The following KMT2D variants were observed in gnomAD, a reference collection of about 807,000 sequenced individuals.
KMT2D encodes lysine methyltransferase 2D, also known as histone-lysine N-methyltransferase 2D.
In KMT2D, 55 loss-of-function variants were observed where a neutral mutation model predicts 512.7. The observed-to-expected ratio is 0.11, with a 90% confidence interval of 0.09 to 0.13. KMT2D has a LOEUF of 0.13. KMT2D is among the 10% of genes least tolerant of loss of function. KMT2D has a pLI of 1.00. For synonymous variants in KMT2D, 2,995 were observed against 2,904.0 expected (o/e 1.03, Z -1.01); for missense variants, 6,061 against 7,127.9 (o/e 0.85, Z 5.39).
At chr12:49,029,881 C>G (rs532422781) in intron 43 of KMT2D, among the ~76,000 whole-genome samples, 8 of 152,206 alleles carry the variant, frequency 5.3e-5, no homozygotes, top group Non-Finnish European at 1.0e-4. Flanking sequence ...TAAGTGAGTA[C>G]TACAATAGCC....
rs909009907 is a variant in KMT2D, at chr12:49,046,953, C to A, written c.4237-163G>T. 6.6e-6 allele frequency among the ~76,000 whole-genome samples: 1 copy of A among 152,048 alleles called. No homozygotes were observed. Among genetic ancestry groups the A allele is most frequent in the Non-Finnish European group, 1.5e-5 (1 of 68,002 alleles). Reference sequence around the variant, plus strand: ...CTCTGCCTCTCAGGTACAAGTGATTCTCTTGTCTCAGCCTCCCAAGTAGCT... The same window carrying A: ...CTCTGCCTCTCAGGTACAAGTGATTATCTTGTCTCAGCCTCCCAAGTAGCT... On this transcript the variant is annotated intron_variant, in intron 15 of 54. Transcript: ENST00000301067. This position sits in a 1 kb window ranked among gnomAD's most constrained non-coding sequence, Gnocchi z 4.2.
At chr12:49,045,782 C>A in intron 19 of KMT2D, 138 bp downstream of exon 19, 1 of 776,100 alleles carries the variant, frequency 1.3e-6, no homozygotes, top group Non-Finnish European at 2.2e-6. Context: ...ACTAGGTGAC[C>A]TTGGGCAGGC....
rs2120392761 is a variant in KMT2D, at chr12:49,029,163, C to T, written c.14149G>A (p.Glu4717Lys). 1.9e-6 allele frequency: 3 copies of T among 1,613,894 alleles called. No individual in the cohort carries two copies. Among genetic ancestry groups the T allele is most frequent in the Non-Finnish European group, 2.5e-6 (3 of 1,179,802 alleles). Residue 4717 changes from glutamate to lysine, a missense_variant, in exon 45 of 55, where the codon GAG becomes AAG. Coordinates refer to ENST00000301067, the MANE Select transcript of KMT2D (RefSeq NM_003482.4). ...AGATGAGGGAAACGAGGGGCCTCCT[C>T]CCCCAAGATGCTCTCAGGGGATGAA... ...PASSPESILG[E>K]EAPRFPHLGS... is the part of the protein sequence containing the mutation.
In KMT2D at chr12:49,054,772, G is replaced by C. The variant is rs1295155264; in HGVS notation, c.177-21C>G. 1 of 1,610,176 alleles carries C rather than the reference G, an allele frequency of 6.2e-7. No homozygotes were observed. Among genetic ancestry groups the C allele is most frequent in the South Asian group, 1.1e-5 (1 of 91,020 alleles). On this transcript the variant is annotated intron_variant, in intron 3 of 54. Coordinates refer to ENST00000301067, the MANE Select transcript of KMT2D (RefSeq NM_003482.4). This position sits in a 1 kb window ranked among gnomAD's most constrained non-coding sequence, Gnocchi z 6.4. ...CCCCACTGTGGACACACAAGCATCA[G>C]TACCACGCCAGGCCCCCAGCAACCC... is the stretch of plus-strand genomic sequence containing the variant.
Position 49,038,291 on chromosome 12 carries a change from T to A in KMT2D, c.9065A>T (p.Asp3022Val). 1 of 1,613,838 alleles carries A rather than the reference T, an allele frequency of 6.2e-7. No homozygotes were observed. Among genetic ancestry groups the A allele is most frequent in the South Asian group, 1.1e-5 (1 of 91,068 alleles). ...GTTTTCTAAGGTGCCAAGTTCATCA[T>A]CACCCTTGGCCACATCCACACCCAG... ...LGLGVDVAKG[D>V]DELGTLENLE... Residue 3022 changes from aspartate (D) to valine (V), a missense_variant, in exon 35 of 55, where the codon GAT becomes GTT. Asp to Val is a radical substitution (Grantham distance 152). Transcript: ENST00000301067. This position sits in a 1 kb window ranked among gnomAD's most constrained non-coding sequence, Gnocchi z 5.7.
At chr12:49,045,460 G>A (rs556585625) in intron 19 of KMT2D, among the ~76,000 whole-genome samples, 24 of 152,134 alleles carry the variant, frequency 1.6e-4, no homozygotes, top group African/African-American at 4.1e-4. Context: ...TGGCTAACAC[G>A]GTGAAACCCC....
chr12:49,040,453 G>A lies in KMT2D; in HGVS notation c.7317C>T (p.Pro2439=), dbSNP rs749022879. The A allele has an allele frequency of 5.8e-6, 9 of 1,562,780 alleles. No homozygotes were observed. The highest frequency in any genetic ancestry group is 1.2e-5 in the South Asian group (1 of 82,546). Residue 2439 remains proline, a synonymous_variant, in exon 32 of 55, where the codon CCC becomes CCT. Transcript: ENST00000301067. ...CAGGGGACTGGAAGCGAGGGGTAACGGGTGATGGGCAAAAAGCTTCAGCAG... is the reference window on the plus strand; with the variant it reads ...CAGGGGACTGGAAGCGAGGGGTAACAGGTGATGGGCAAAAAGCTTCAGCAG... ...PLSAEAFCPS[P]VTPRFQSPDP...
intron 12 of KMT2D, 27 bp downstream of exon 12, chr12:49,049,654 CA>C (rs1197976941): frequency 6.5e-7 from 1 of 1,542,230 alleles, no homozygotes; most frequent in African/African-American, 1.4e-5. Flanking sequence ...TAACTCTAAT[CA>C]CATCCCGCAG....
At position 49,032,918 on chromosome 12, in the gene KMT2D, TTGC is replaced by T. The variant is rs917116271; in HGVS notation, c.11784_11786del (p.Gln3930del). The T allele has an allele frequency of 1.3e-6, 2 of 1,549,926 alleles. No individual in the cohort carries two copies. The highest frequency in any genetic ancestry group is 1.4e-5 in the African/African-American group (1 of 72,910). On this transcript the variant is annotated inframe_deletion, in exon 40 of 55. Coordinates refer to ENST00000301067, the MANE Select transcript of KMT2D (RefSeq NM_003482.4). ...GCTGCTGTTGCTGCTGTTGAAGCTG[TTGC>T]TGCTGAAGTTGCTGTTGCTGTTGTA... is the stretch of plus-strand genomic sequence containing the variant.
Position 49,024,781 on chromosome 12 carries a change from A to G in KMT2D, c.15921+29T>C, listed in dbSNP as rs1383161694. ...AGGCCAAAGTTCTCAGTGCCCGCCA[A>G]GCCCCCCAGCTCCCAGCCCCTTCCT... On this transcript the variant is annotated intron_variant, in intron 50 of 54. Transcript: ENST00000301067. The surrounding 1 kb of genome is among the most constrained non-coding windows in gnomAD (Gnocchi z 4.5). 6.2e-7 allele frequency: 1 copy of G among 1,609,064 alleles called. No individual in the cohort carries two copies. The highest frequency in any genetic ancestry group is 8.5e-7 in the Non-Finnish European group (1 of 1,176,214).
intron 42 of KMT2D, 32 bp downstream of exon 42, chr12:49,030,569 C>T (rs1353761769): frequency 1.1e-5 from 17 of 1,536,570 alleles, no homozygotes; most frequent in Non-Finnish European, 1.4e-5. Context: ...AAGAACTTCA[C>T]TATTCCCAAA....
At position 49,046,838 on chromosome 12, in the gene KMT2D, T is replaced by C. The variant is rs766824895; in HGVS notation, c.4237-48A>G. On this transcript the variant is annotated intron_variant, in intron 15 of 54. Coordinates refer to ENST00000301067, the MANE Select transcript of KMT2D (RefSeq NM_003482.4). The surrounding 1 kb of genome is among the most constrained non-coding windows in gnomAD (Gnocchi z 4.2). ...CTCAGGGTGTGAGGTGGAAAAGAGG[T>C]AGAACTTCTTTTTATTTTTTTTTGG... The C allele has an allele frequency of 1.3e-6, 2 of 1,534,982 alleles. No homozygotes were observed. The highest frequency in any genetic ancestry group is 1.2e-5 in the South Asian group (1 of 83,912).
rs398123705 is a variant in KMT2D, at chr12:49,033,555, T to G, written c.11150A>C (p.Gln3717Pro). The G allele has an allele frequency of 6.8e-6, 11 of 1,613,416 alleles. No individual in the cohort carries two copies. The highest frequency in any genetic ancestry group is 3.3e-5 in the Admixed American group (2 of 60,004). Residue 3717 changes from glutamine to proline, a missense_variant, in exon 40 of 55, where the codon CAG (glutamine) becomes CCG (proline). Coordinates refer to ENST00000301067, the MANE Select transcript of KMT2D (RefSeq NM_003482.4). ...CTGCTGCAGCTGCAGCTGCCTTTCC[T>G]GTAAAAGCCTTGAATCAGGTCCGAG... is the stretch of plus-strand genomic sequence containing the variant. ...RSLGPDSRLL[Q>P]ERQLQLQQQR...
At position 49,054,433 on chromosome 12, in the gene KMT2D, A is replaced by G. The variant is rs1026481963; in HGVS notation, c.401-17T>C. ...AGCAGGACCCTTTACAGGTGGGAAG[A>G]GGTAAAGAGAAAGGAAAGAATTAAC... On this transcript the variant is annotated splice_polypyrimidine_tract_variant and intron_variant, in intron 4 of 54. Transcript: ENST00000301067. This position sits in a 1 kb window ranked among gnomAD's most constrained non-coding sequence, Gnocchi z 6.4. 6.4e-7 allele frequency: 1 copy of G among 1,573,554 alleles called. No homozygotes were observed. Among genetic ancestry groups the G allele is most frequent in the Non-Finnish European group, 8.6e-7 (1 of 1,159,080 alleles).
Position 49,041,752 on chromosome 12 carries a change from G to T in KMT2D, c.6184-47C>A. 6.3e-7 allele frequency: 1 copy of T among 1,578,370 alleles called. No homozygotes were observed. Among genetic ancestry groups the T allele is most frequent in the Non-Finnish European group, 8.6e-7 (1 of 1,159,358 alleles). ...CTTAGGGCCTAGTGCTTGGTCTCAT[G>T]CCCCGCCCCCATACTGTAGTGTTTT... is the stretch of plus-strand genomic sequence containing the variant. On this transcript the variant is annotated intron_variant, in intron 30 of 54. Transcript: ENST00000301067. The surrounding 1 kb of genome is among the most constrained non-coding windows in gnomAD (Gnocchi z 5.4).
Position 49,041,877 on chromosome 12 carries a change from T to C in KMT2D, c.6183+40A>G, listed in dbSNP as rs1309139377. The C allele has an allele frequency of 6.4e-7, 1 of 1,567,570 alleles. No individual in the cohort carries two copies. Among genetic ancestry groups the C allele is most frequent in the Admixed American group, 1.9e-5 (1 of 53,692 alleles). ...AATTACCCAAAGATCCCTCCCTCCCTCTCAGTTCCCACGCTAATCCATGCT... is the reference window on the plus strand; with the variant it reads ...AATTACCCAAAGATCCCTCCCTCCCCCTCAGTTCCCACGCTAATCCATGCT... On this transcript the variant is annotated intron_variant, in intron 30 of 54. Transcript: ENST00000301067. This position sits in a 1 kb window ranked among gnomAD's most constrained non-coding sequence, Gnocchi z 5.4.
chr12:49,055,453 C>A (rs761086670), intron 1 of KMT2D, 92 bp from the exon 2 acceptor site: 264 of 741,520 alleles, frequency 3.6e-4, no homozygotes, highest in Non-Finnish European at 5.2e-4. Flanking sequence ...TCCAGACCCT[C>A]CAGACATCAG....
In KMT2D at chr12:49,046,743, A is replaced by G. The variant is rs1943804686; in HGVS notation, c.4284T>C (p.Ile1428=). 6.2e-7 allele frequency: 1 copy of G among 1,613,964 alleles called. No homozygotes were observed. ...LLKGWRCVEC[I]VCEVCGQASD... is the part of the protein sequence containing the mutation. ...AGGCCTGGCCACACACCTCACACAC[A>G]ATACACTCCACACAACGCCAGCCCT... The change falls in exon 16 of 55, where the codon ATT becomes ATC. Residue 1428 remains isoleucine (I), a synonymous_variant. Transcript: ENST00000301067. This position sits in a 1 kb window ranked among gnomAD's most constrained non-coding sequence, Gnocchi z 4.2.
In KMT2D at chr12:49,060,763, G is replaced by T. The variant is rs1030357807; in HGVS notation, c.-1188C>A. On this transcript the variant is annotated 5_prime_UTR_variant, in exon 1 of 55. Transcript: ENST00000301067. ...CTCGAGAGGGGGAGAAAGGAGAAGAGGCGGCCCTATTTTGTGTTGGAGCGG... is the reference window on the plus strand; with the variant it reads ...CTCGAGAGGGGGAGAAAGGAGAAGATGCGGCCCTATTTTGTGTTGGAGCGG... Among the ~76,000 whole-genome samples the T allele has an allele frequency of 2.0e-5, 3 of 152,246 alleles. No homozygotes were observed. Among genetic ancestry groups the T allele is most frequent in the Non-Finnish European group, 4.4e-5 (3 of 68,048 alleles).
Sources: allele counts gnomAD v4.1 joint callset (sites outside exome capture counted in the v4.1 genomes callset), GRCh38; gene constraint gnomAD v4.1.1; non-coding constraint Gnocchi (gnomAD v3.1); transcripts MANE v1.5; gene names NCBI Gene and HGNC (gene_info 2026-07-23, HGNC 2026-07-21).